The following DNAJC7 variants were observed in gnomAD, a reference collection of about 807,000 sequenced individuals.
The protein encoded by DNAJC7 is DnaJ heat shock protein family (Hsp40) member C7.
A neutral mutation model predicts 67.4 loss-of-function variants in DNAJC7; 18 were observed. The observed-to-expected ratio is 0.27, with a 90% CI of 0.18 to 0.40. The LOEUF is 0.40. DNAJC7 is among the 10% of genes least tolerant of loss of function. The probability of loss-of-function intolerance (pLI) is 1.00; values close to 1 mark genes in which losing one functional copy is unlikely to be tolerated. For missense variants in DNAJC7, 419 were observed against 613.8 expected (o/e 0.68, Z 3.35); for synonymous variants, 220 against 207.8 (o/e 1.06, Z -0.50).
At position 41,997,252 on chromosome 17, in the gene DNAJC7, C is replaced by T. The variant is rs1211870178; in HGVS notation, c.167-13G>A. The T allele has an allele frequency of 1.9e-6, 3 of 1,611,770 alleles. No individual in the cohort carries two copies. In the East Asian group the frequency reaches 6.7e-5, roughly 36 times the overall value. ...TTAGGACACATATCTATAGGAAAGG[C>T]AGAAGAACGTAAAACAAAGTTTAGA... On this transcript the variant is annotated splice_polypyrimidine_tract_variant and intron_variant, in intron 2 of 13. Coordinates refer to ENST00000457167, the MANE Select transcript of DNAJC7 (RefSeq NM_003315.4).
intron 12 of DNAJC7, among the ~76,000 whole-genome samples, chr17:41,978,449 T>C (rs2051149683): frequency 6.6e-6 from 1 of 152,190 alleles, no homozygotes; most frequent in African/African-American, 2.4e-5. Context: ...TCCAATCCTT[T>C]CCTACCTTTT....
At chr17:41,980,431 G>A (rs2051219427) in intron 12 of DNAJC7, among the ~76,000 whole-genome samples, 1 of 152,126 alleles carries the variant, frequency 6.6e-6, no homozygotes, top group Non-Finnish European at 1.5e-5. Flanking sequence ...TGTAACCCAA[G>A]CTGGAGTACA....
Position 41,976,533 on chromosome 17 carries a change from G to C in DNAJC7, c.*200C>G. On this transcript the variant is annotated 3_prime_UTR_variant, in exon 14 of 14. Transcript: ENST00000457167. ...ACAAGCTGCCTCCCTGTCCACCCCC[G>C]CCTCCCTCCCCTGCCCTCGGTCTTC... 170 of 388,234 alleles carry C rather than the reference G, an allele frequency of 4.4e-4. No individual in the cohort carries two copies. Among genetic ancestry groups the C allele is most frequent in the East Asian group, 9.9e-4 (14 of 14,094 alleles). The allele number at this position is 388,234 out of a possible 1,614,324, so 24.0% of individuals were successfully genotyped here. A position where few individuals can be genotyped will look rare whatever the true frequency, so the allele number is the denominator to read the frequency against.
intron 1 of DNAJC7, among the ~76,000 whole-genome samples, chr17:42,005,600 C>T (rs2051926128): frequency 6.6e-6 from 1 of 152,186 alleles, no homozygotes; most frequent in South Asian, 2.1e-4. Flanking sequence ...GGATGAGATT[C>T]TTCATCATTT....
intron 1 of DNAJC7, chr17:42,014,444 G>A (rs556034713): frequency 6.6e-6 from 1 of 152,162 alleles, no homozygotes; most frequent in South Asian, 2.1e-4. Flanking sequence ...GGGATTACAA[G>A]TGTGAGCCAC....
At position 41,996,428 on chromosome 17, in the gene DNAJC7, A is replaced by G; in HGVS notation, c.292-4T>C. On this transcript the variant is annotated splice_region_variant and splice_polypyrimidine_tract_variant and intron_variant, in intron 3 of 13. Coordinates refer to ENST00000457167, the MANE Select transcript of DNAJC7 (RefSeq NM_003315.4). ...ACTTGCCCTCTCGTAGATGTCCCTA[A>G]AAGAACACCAAGAGGGAAGAAAAGA... 2 of 1,610,492 alleles carry G rather than the reference A, an allele frequency of 1.2e-6. No individual in the cohort carries two copies. Among genetic ancestry groups the G allele is most frequent in the Non-Finnish European group, 1.7e-6 (2 of 1,178,734 alleles).
intron 1 of DNAJC7, among the ~76,000 whole-genome samples, chr17:42,009,893 C>G (rs1194381182): frequency 1.3e-5 from 2 of 152,194 alleles, no homozygotes; most frequent in East Asian, 3.8e-4. Context: ...GCCTGTAATC[C>G]CAGCACTTGG....
At chr17:42,007,478 C>T (rs2051997461) in intron 1 of DNAJC7, among the ~76,000 whole-genome samples, 1 of 152,118 alleles carries the variant, frequency 6.6e-6, no homozygotes, top group East Asian at 1.9e-4. Flanking sequence ...AGCCTAACTT[C>T]TATTCCATCT....
At chr17:42,002,580 C>A (rs180802109) in intron 1 of DNAJC7, among the ~76,000 whole-genome samples, 39 of 152,246 alleles carry the variant, frequency 2.6e-4, no homozygotes, top group African/African-American at 8.9e-4. Flanking sequence ...AAACACAGTC[C>A]GGTGAACTTC....
chr17:41,991,748 T>C (rs2051514800), intron 5 of DNAJC7, among the ~76,000 whole-genome samples: 1 of 152,300 alleles, frequency 6.6e-6, no homozygotes, highest in African/African-American at 2.4e-5. Flanking sequence ...GGCACAATCA[T>C]GGCTCACTGC....
In DNAJC7 at chr17:41,976,785, A is replaced by T; in HGVS notation, c.1448-15T>A. On this transcript the variant is annotated splice_polypyrimidine_tract_variant and intron_variant, in intron 13 of 13. Coordinates refer to ENST00000457167, the MANE Select transcript of DNAJC7 (RefSeq NM_003315.4). Reference sequence around the variant, plus strand: ...TGGACCAGATGCTGAAAGAGAAAAGAGGGGTTGGTAGTTGGCTATGGATTT... The same window carrying T: ...TGGACCAGATGCTGAAAGAGAAAAGTGGGGTTGGTAGTTGGCTATGGATTT... The T allele has an allele frequency of 1.9e-6, 3 of 1,607,480 alleles. No homozygotes were observed. The highest frequency in any genetic ancestry group is 2.5e-6 in the Non-Finnish European group (3 of 1,178,574).
At chr17:42,016,926 G>T in intron 1 of DNAJC7, 6 of 1,132,866 alleles carry the variant, frequency 5.3e-6, no homozygotes, top group Non-Finnish European at 6.5e-6. Flanking sequence ...GGAGAGCAAA[G>T]GTTTTGGAGA....
At chr17:41,994,059 C>G (rs868951141) in intron 5 of DNAJC7, among the ~76,000 whole-genome samples, 1 of 149,292 alleles carries the variant, frequency 6.7e-6, no homozygotes, top group African/African-American at 2.5e-5. Flanking sequence ...AAAAAAAGGC[C>G]TGGCGCGGTG....
At chr17:41,984,153 A>G (rs1360996586) in intron 9 of DNAJC7, among the ~76,000 whole-genome samples, 2 of 152,254 alleles carry the variant, frequency 1.3e-5, no homozygotes, top group Non-Finnish European at 2.9e-5. Context: ...TCCCTCCACT[A>G]AGACCAATCA....
intron 10 of DNAJC7, among the ~76,000 whole-genome samples, chr17:41,982,916 T>C (rs2051286477): frequency 6.7e-6 from 1 of 150,288 alleles, no homozygotes; most frequent in Non-Finnish European, 1.5e-5. Context: ...GCTATGATCA[T>C]GCCATTGCAC....
Position 41,996,328 on chromosome 17 carries a change from C to G in DNAJC7, c.388G>C (p.Ala130Pro). ...QRALELDHKN[A>P]QAQQEFKNAN... ...ACCCGTACCTCTTGTTGTGCCTGAG[C>G]ATTTTTATGATCCAGTTCTAGGGCT... The change falls in exon 4 of 14, where the codon GCT (alanine) becomes CCT (proline). Residue 130 changes from alanine to proline, a missense_variant. Transcript: ENST00000457167. 1 of 1,613,830 alleles carries G rather than the reference C, an allele frequency of 6.2e-7. No homozygotes were observed. The highest frequency in any genetic ancestry group is 8.5e-7 in the Non-Finnish European group (1 of 1,179,868).
At chr17:42,017,106 A>G in intron 1 of DNAJC7, 2 of 1,434,784 alleles carry the variant, frequency 1.4e-6, no homozygotes. Context: ...TCGTCCTCTC[A>G]GCTGGAGAAC....
At chr17:41,992,847 C>T (rs782014288) in intron 5 of DNAJC7, 1 of 152,144 alleles carries the variant, frequency 6.6e-6, no homozygotes, top group African/African-American at 2.4e-5. Context: ...AGGATTCTGT[C>T]ACAAACTCAG....
chr17:42,003,950 A>ATGTT (rs781791381), intron 1 of DNAJC7, among the ~76,000 whole-genome samples: 110 of 94,326 alleles, frequency 1.2e-3, no homozygotes, highest in Non-Finnish European at 1.9e-3. Context: ...AAGATTTTCA[A>ATGTT]TTTTTTTTTT....
Sources: allele counts gnomAD v4.1 joint callset (sites outside exome capture counted in the v4.1 genomes callset), GRCh38; gene constraint gnomAD v4.1.1; transcripts MANE v1.5; gene names NCBI Gene and HGNC (gene_info 2026-07-23, HGNC 2026-07-21).